TTYH3: variants seen among roughly 807,000 people sequenced by gnomAD.
TTYH3 encodes the protein protein tweety homolog 3.
A neutral mutation model predicts 68.2 loss-of-function variants in TTYH3; 23 were observed. The ratio of observed to expected loss-of-function variants is 0.34; its 90% CI spans 0.24 to 0.48. The LOEUF (loss-of-function observed/expected upper bound fraction) is 0.48, where lower values mean the gene tolerates loss of function less well. Among genes scored for constraint, TTYH3 ranks in the 20% least tolerant of loss-of-function variants. The probability of loss-of-function intolerance (pLI) is 0.99; values close to 1 mark genes in which losing one functional copy is unlikely to be tolerated. For synonymous variants in TTYH3, 360 were observed against 332.8 expected, an observed-to-expected ratio of 1.08 and a Z score of -0.89; for missense variants, 768 against 727.7, an observed-to-expected ratio of 1.06 and a Z score of -0.64.
intron 1 of TTYH3, among the ~76,000 whole-genome samples, chr7:2,644,118 A>G (rs1785922771): frequency 6.6e-6 from 1 of 152,008 alleles, no homozygotes; most frequent in South Asian, 2.1e-4. Context: ...AGCCCAGGGG[A>G]GGCCCTGTGG....
intron 1 of TTYH3, among the ~76,000 whole-genome samples, chr7:2,635,268 G>A (rs533529618): frequency 6.6e-6 from 1 of 152,202 alleles, no homozygotes; most frequent in East Asian, 1.9e-4. Context: ...CCGGGCAGGG[G>A]CCCTTGAGGG....
intron 13 of TTYH3, chr7:2,660,567 C>CCA: frequency 1.1e-6 from 1 of 903,366 alleles, no homozygotes; most frequent in Non-Finnish European, 1.3e-6. Flanking sequence ...CCCGCCCCGT[C>CCA]CCGCCCCCAT....
At chr7:2,658,607 A>G in intron 12 of TTYH3, 148 bp downstream of exon 12, 1 of 982,492 alleles carries the variant, frequency 1.0e-6, no homozygotes, top group Non-Finnish European at 1.5e-6. Context: ...CTCCTGCCCC[A>G]GGTGAACACG....
At position 2,656,093 on chromosome 7, in the gene TTYH3, A is replaced by C. The variant is rs1335836118; in HGVS notation, c.1022A>C (p.Asp341Ala). Reference protein sequence around the residue: ...TVPWEQPATKDPLLRVQEVLN... With the variant: ...TVPWEQPATKAPLLRVQEVLN... The stretch of plus-strand genomic sequence containing the variant: ...CCATCTGCGGTGCGTGCCCCCCAGG[A>C]CCCCCTCCTCCGCGTCCAGGAGGTG... The change falls in exon 10 of 14, where the codon GAC (aspartate) becomes GCC (alanine). Residue 341 changes from aspartate (D) to alanine (A), a missense_variant and splice_region_variant. Transcript: ENST00000258796. The C allele has an allele frequency of 6.5e-7, 1 of 1,546,306 alleles. No individual in the cohort carries two copies. The highest frequency in any genetic ancestry group is 1.4e-5 in the African/African-American group (1 of 73,088).
chr7:2,633,306 G>A (rs568466601), intron 1 of TTYH3, among the ~76,000 whole-genome samples: 1 of 152,256 alleles, frequency 6.6e-6, no homozygotes, highest in African/African-American at 2.4e-5. Context: ...GGTATTCCGC[G>A]GGCAGCCTAG....
intron 1 of TTYH3, among the ~76,000 whole-genome samples, chr7:2,639,502 C>T (rs1053215319): frequency 2.0e-5 from 3 of 152,236 alleles, no homozygotes; most frequent in African/African-American, 7.2e-5. Flanking sequence ...CACAGGGGAG[C>T]CCCCGACCTA....
rs1487719719 is a variant in TTYH3 at position 2,664,605 on chromosome 7, C to G, written c.*2866C>G. 1 of 152,370 alleles carries G rather than the reference C, an allele frequency of 6.6e-6. No individual in the cohort carries two copies. Among genetic ancestry groups the G allele is most frequent in the East Asian group, 1.9e-4 (1 of 5,270 alleles). The allele number at this position is 152,370 out of a possible 1,614,324, so 9.4% of individuals were successfully genotyped here. A position where few individuals can be genotyped will look rare whatever the true frequency, so the allele number is the denominator to read the frequency against. ...GGCCTGAACCATTTTGCATTTCCCC[C>G]TCCTCCAGCCTCTGTAGGGCCATGG... On this transcript the variant is annotated 3_prime_UTR_variant, in exon 14 of 14. Transcript: ENST00000258796.
chr7:2,661,653 CTT>C lies in TTYH3; in HGVS notation c.1501-14_1501-13del, dbSNP rs1562721754. On this transcript the variant is annotated splice_polypyrimidine_tract_variant and intron_variant, in intron 13 of 13. Coordinates refer to ENST00000258796, the MANE Select transcript of TTYH3 (RefSeq NM_025250.3). Reference sequence around the variant, plus strand: ...GCAGGGGCCCTGCTGATGCCTCCCCCTTGTCTCCCTCCAGTACACCTCCAGCA... The same window carrying C: ...GCAGGGGCCCTGCTGATGCCTCCCCCGTCTCCCTCCAGTACACCTCCAGCA... The C allele has an allele frequency of 3.1e-6, 5 of 1,611,314 alleles. No homozygotes were observed.
intron 13 of TTYH3, among the ~76,000 whole-genome samples, 178 bp from the exon 14 acceptor site, chr7:2,661,489 GC>G (rs1786494912): frequency 6.6e-6 from 1 of 152,116 alleles, no homozygotes; most frequent in Non-Finnish European, 1.5e-5. Flanking sequence ...GAGCGCAGGG[GC>G]CCCCAGCCAG....
intron 1 of TTYH3, among the ~76,000 whole-genome samples, chr7:2,635,756 C>G (rs1261589704): frequency 6.6e-6 from 1 of 152,240 alleles, no homozygotes; most frequent in Non-Finnish European, 1.5e-5. Flanking sequence ...ATAGTGGGCC[C>G]TGCCTCAGTT....
chr7:2,634,130 C>T (rs754881151), intron 1 of TTYH3, among the ~76,000 whole-genome samples: 2 of 152,246 alleles, frequency 1.3e-5, no homozygotes, highest in South Asian at 2.1e-4. Context: ...GAATAATTCA[C>T]GATGTGGAAA....
chr7:2,656,582 A>G (rs773261424), intron 11 of TTYH3, 48 bp downstream of exon 11: 2 of 1,579,836 alleles, frequency 1.3e-6, no homozygotes, highest in Non-Finnish European at 1.7e-6. Context: ...GCCACATGGC[A>G]TGCGGGACAC....
intron 10 of TTYH3, 88 bp from the exon 11 acceptor site, chr7:2,656,310 C>T: frequency 1.9e-6 from 3 of 1,569,676 alleles, no homozygotes; most frequent in Non-Finnish European, 2.6e-6. Context: ...GGGGGCGGTC[C>T]AGGCCGCCGT....
intron 9 of TTYH3, among the ~76,000 whole-genome samples, chr7:2,653,845 A>G (rs1238487595): frequency 6.6e-6 from 1 of 152,262 alleles, no homozygotes; most frequent in Non-Finnish European, 1.5e-5. Flanking sequence ...CCTGGGCAAC[A>G]GAGCGAGACT....
intron 2 of TTYH3, 55 bp downstream of exon 2, chr7:2,647,077 G>C: frequency 6.5e-7 from 1 of 1,532,902 alleles, no homozygotes; most frequent in Non-Finnish European, 8.8e-7. Flanking sequence ...GGCCCGAGGG[G>C]GCGGGGCTGG....
intron 9 of TTYH3, among the ~76,000 whole-genome samples, 163 bp downstream of exon 9, chr7:2,653,173 C>T (rs1157026993): frequency 1.3e-5 from 2 of 152,134 alleles, no homozygotes; most frequent in African/African-American, 2.4e-5. Flanking sequence ...GTTCCTCTTC[C>T]CTCCCCCAGC....
chr7:2,648,015 T>C lies in TTYH3; in HGVS notation c.683T>C (p.Leu228Pro). The C allele has an allele frequency of 6.2e-7, 1 of 1,611,042 alleles. No individual in the cohort carries two copies. Residue 228 changes from leucine to proline, a missense_variant, in exon 5 of 14, where the codon CTG becomes CCG. Leu to Pro is a moderately conservative substitution (Grantham distance 98). Transcript: ENST00000258796. ...LLDVIICLLV[L>P]VGLIRSSKGI... ...GACGTCATCATCTGCCTCCTGGTGC[T>C]GGTTGGCCTCATCCGCAGCTCCAAG...
chr7:2,658,854 A>G, intron 12 of TTYH3, 86 bp from the exon 13 acceptor site: 1 of 1,314,246 alleles, frequency 7.6e-7, no homozygotes, highest in Non-Finnish European at 1.1e-6. Flanking sequence ...ATCTGGGCAC[A>G]GCGGGCCTAC....
intron 7 of TTYH3, among the ~76,000 whole-genome samples, chr7:2,651,843 A>T (rs1470528278): frequency 6.6e-6 from 1 of 152,144 alleles, no homozygotes; most frequent in Admixed American, 6.5e-5. Flanking sequence ...CTCTGGCTTG[A>T]TGGGAGCCCA....
Sources: allele counts gnomAD v4.1 joint callset (sites outside exome capture counted in the v4.1 genomes callset), GRCh38; gene constraint gnomAD v4.1.1; transcripts MANE v1.5; gene names NCBI Gene and HGNC (gene_info 2026-07-23, HGNC 2026-07-21).